The following TOP1 variants were observed in gnomAD, a reference collection of about 807,000 sequenced individuals.
TOP1 encodes DNA topoisomerase 1.
A neutral mutation model predicts 111.1 loss-of-function variants in TOP1; 10 were observed. The ratio of observed to expected loss-of-function variants is 0.09; its 90% CI spans 0.06 to 0.15. TOP1 has a LOEUF of 0.15. Ranked by LOEUF, TOP1 falls within the 10% of genes least tolerant of loss-of-function variation. The probability of loss-of-function intolerance (pLI) is 1.00; values close to 1 mark genes in which losing one functional copy is unlikely to be tolerated. For missense variants in TOP1, 474 were observed against 926.7 expected (o/e 0.51, Z 6.34); for synonymous variants, 271 against 302.9 (o/e 0.89, Z 1.10).
Position 41,079,059 on chromosome 20 carries a change from G to T in TOP1, c.336-1026G>T, listed in dbSNP as rs1438054324. 1.3e-5 allele frequency among the ~76,000 whole-genome samples: 2 copies of T among 152,204 alleles called. No homozygotes were observed. Among genetic ancestry groups the T allele is most frequent in the Non-Finnish European group, 2.9e-5 (2 of 68,028 alleles). ...TATTCAGGCAGGAGGGGGAACAGCT[G>T]TAGAAGCTGGCATTTGGTTAGGGTG... On this transcript the variant is annotated intron_variant, in intron 5 of 20. Coordinates refer to ENST00000361337, the MANE Select transcript of TOP1 (RefSeq NM_003286.4). This position sits in a 1 kb window ranked among gnomAD's most constrained non-coding sequence, Gnocchi z 4.0.
rs1419173142 is a variant in TOP1, at chr20:41,102,107, T to G, written c.1308+754T>G. 6.6e-6 allele frequency among the ~76,000 whole-genome samples: 1 copy of G among 152,206 alleles called. No individual in the cohort carries two copies. Among genetic ancestry groups the G allele is most frequent in the Non-Finnish European group, 1.5e-5 (1 of 68,032 alleles). On this transcript the variant is annotated intron_variant, in intron 13 of 20. Transcript: ENST00000361337. This position sits in a 1 kb window ranked among gnomAD's most constrained non-coding sequence, Gnocchi z 4.0. Reference sequence around the variant, plus strand: ...AGTTCTATGTAGACTGTTAACTGTTTTATGTGCAGGAGACCTGGGACTAAA... The same window carrying G: ...AGTTCTATGTAGACTGTTAACTGTTGTATGTGCAGGAGACCTGGGACTAAA...
intron 8 of TOP1, among the ~76,000 whole-genome samples, chr20:41,090,426 T>G (rs887487316): frequency 2.0e-5 from 3 of 152,258 alleles, no homozygotes; most frequent in Non-Finnish European, 4.4e-5. Context: ...TACAAATATT[T>G]TCTCCTATTC....
In TOP1 at chr20:41,034,787, A is replaced by G. The variant is rs2033164175; in HGVS notation, c.58+5332A>G. ...GCTATCTGTATCGAAGTTTGTATTAACTGTCTTTATGTGTGTCATTTATGT... is the reference window on the plus strand; with the variant it reads ...GCTATCTGTATCGAAGTTTGTATTAGCTGTCTTTATGTGTGTCATTTATGT... On this transcript the variant is annotated intron_variant, in intron 2 of 20. Coordinates refer to ENST00000361337, the MANE Select transcript of TOP1 (RefSeq NM_003286.4). The surrounding 1 kb of genome is among the most constrained non-coding windows in gnomAD (Gnocchi z 4.0). Among the ~76,000 whole-genome samples the G allele has an allele frequency of 1.3e-5, 2 of 152,130 alleles. No homozygotes were observed. Among genetic ancestry groups the G allele is most frequent in the South Asian group, 4.1e-4 (2 of 4,822 alleles).
Position 41,097,554 on chromosome 20 carries a change from A to C in TOP1, c.852+213A>C, listed in dbSNP as rs751756379. On this transcript the variant is annotated intron_variant, in intron 10 of 20. Coordinates refer to ENST00000361337, the MANE Select transcript of TOP1 (RefSeq NM_003286.4). The surrounding 1 kb of genome is among the most constrained non-coding windows in gnomAD (Gnocchi z 4.2). The stretch of plus-strand genomic sequence containing the variant: ...TTGTATATCTTTGCTATTGGCTCTC[A>C]TGTGATGGCAGGTAGGTGGGGGTTA... Among the ~76,000 whole-genome samples, 4 of 152,150 alleles carry C rather than the reference A, an allele frequency of 2.6e-5. No individual in the cohort carries two copies. Among genetic ancestry groups the C allele is most frequent in the Non-Finnish European group, 5.9e-5 (4 of 68,022 alleles).
chr20:41,047,431 CTAGGCGGTAG>C (rs2122604653), intron 2 of TOP1, among the ~76,000 whole-genome samples: 1 of 152,292 alleles, frequency 6.6e-6, no homozygotes, highest in South Asian at 2.1e-4. Context: ...ACCATATAGC[CTAGGCGGTAG>C]TAGGCTATAC....
intron 2 of TOP1, among the ~76,000 whole-genome samples, chr20:41,031,362 A>T (rs577375598): frequency 6.6e-6 from 1 of 152,318 alleles, no homozygotes; most frequent in South Asian, 2.1e-4. Flanking sequence ...GGCTGGGCTG[A>T]GTAGGTAATG....
At chr20:41,043,064 T>C (rs1174022384) in intron 2 of TOP1, among the ~76,000 whole-genome samples, 1 of 152,210 alleles carries the variant, frequency 6.6e-6, no homozygotes, top group Non-Finnish European at 1.5e-5. Context: ...ATTGTTCAGG[T>C]GTCATCTGTG....
chr20:41,081,365 AT>A, intron 7 of TOP1, 125 bp downstream of exon 7: 1 of 1,158,380 alleles, frequency 8.6e-7, no homozygotes, highest in Non-Finnish European at 1.2e-6. Flanking sequence ...GGGAAAACAA[AT>A]TTAATAAGTG....
In TOP1 at chr20:41,112,831, G is replaced by C. The variant is rs1172495373; in HGVS notation, c.1358G>C (p.Cys453Ser). The change falls in exon 14 of 21, where the codon TGT (cysteine) becomes TCT (serine). Residue 453 changes from cysteine to serine, a missense_variant. Around this residue, in one of 14 missense-constraint regions of TOP1, gnomAD observed 14 missense variants for 22.2 expected, o/e 0.63. Coordinates refer to ENST00000361337, the MANE Select transcript of TOP1 (RefSeq NM_003286.4). The surrounding 1 kb of genome is among the most constrained non-coding windows in gnomAD (Gnocchi z 5.8). ...KYETARRLKK[C>S]VDKIRNQYRE... The stretch of plus-strand genomic sequence containing the variant: ...GAGACTGCTCGGCGGCTGAAAAAAT[G>C]TGTGGACAAGATCCGGAACCAGTAT... The C allele has an allele frequency of 6.2e-7, 1 of 1,614,260 alleles. No individual in the cohort carries two copies. The highest frequency in any genetic ancestry group is 8.5e-7 in the Non-Finnish European group (1 of 1,180,056).
intron 7 of TOP1, among the ~76,000 whole-genome samples, 165 bp downstream of exon 7, chr20:41,081,405 C>A (rs2033787055): frequency 6.6e-6 from 1 of 152,158 alleles, no homozygotes; most frequent in African/African-American, 2.4e-5. Flanking sequence ...GTTTTAAGAT[C>A]TCTGTGAATC....
intron 4 of TOP1, 87 bp from the exon 5 acceptor site, chr20:41,077,495 C>G: frequency 1.9e-6 from 2 of 1,068,790 alleles, no homozygotes; most frequent in South Asian, 2.6e-5. Flanking sequence ...CATGATGTCC[C>G]AGGAACTGAT....
At chr20:41,093,109 A>G (rs767786177) in intron 9 of TOP1, among the ~76,000 whole-genome samples, 3 of 152,166 alleles carry the variant, frequency 2.0e-5, no homozygotes, top group Admixed American at 6.5e-5. Flanking sequence ...TATATGTGCA[A>G]TCAAGTCTGA....
In TOP1 at chr20:41,100,701, C is replaced by A. The variant is rs1244705797; in HGVS notation, c.1163+458C>A. 6.3e-6 allele frequency: 1 copy of A among 159,782 alleles called. No homozygotes were observed. The highest frequency in any genetic ancestry group is 2.4e-5 in the African/African-American group (1 of 41,654). 9.9% of individuals were successfully genotyped at this position (159,782 alleles called of 1,614,324 possible). ...CACCATACAGTTTTTTTTATTAAGT[C>A]GATAATTTCCACCTTTTCATTTAAA... On this transcript the variant is annotated intron_variant, in intron 12 of 20. Coordinates refer to ENST00000361337, the MANE Select transcript of TOP1 (RefSeq NM_003286.4). This position sits in a 1 kb window ranked among gnomAD's most constrained non-coding sequence, Gnocchi z 4.4.
Position 41,094,430 on chromosome 20 carries a change from C to T in TOP1, c.730+1843C>T, listed in dbSNP as rs2033958460. On this transcript the variant is annotated intron_variant, in intron 9 of 20. Transcript: ENST00000361337. This position sits in a 1 kb window ranked among gnomAD's most constrained non-coding sequence, Gnocchi z 4.4. ...CTTTAGGATGCTCAGCTGGTAAAGC[C>T]TCACTTTGAGGTTCAAAGTGATGGG... Among the ~76,000 whole-genome samples, 1 of 152,208 alleles carries T rather than the reference C, an allele frequency of 6.6e-6. No individual in the cohort carries two copies. Among genetic ancestry groups the T allele is most frequent in the Non-Finnish European group, 1.5e-5 (1 of 68,034 alleles).
Position 41,100,371 on chromosome 20 carries a change from C to T in TOP1, c.1163+128C>T. The stretch of plus-strand genomic sequence containing the variant: ...GATACTTAAGAGCAGGACAGTATTT[C>T]ATGCGTAGGTCTCCAGATGTTTTTG... On this transcript the variant is annotated intron_variant, in intron 12 of 20. Coordinates refer to ENST00000361337, the MANE Select transcript of TOP1 (RefSeq NM_003286.4). This position sits in a 1 kb window ranked among gnomAD's most constrained non-coding sequence, Gnocchi z 4.4. 1.5e-6 allele frequency: 1 copy of T among 676,596 alleles called. No individual in the cohort carries two copies. The highest frequency in any genetic ancestry group is 2.4e-6 in the Non-Finnish European group (1 of 420,596). The allele number at this position is 676,596 out of a possible 1,614,324, so 41.9% of individuals were successfully genotyped here.
In TOP1 at chr20:41,097,304, A is replaced by C. The variant is rs751102524; in HGVS notation, c.815A>C (p.Glu272Ala). ...CTCGACCATGAATATACTACCAAGG[A>C]AATATTTAGGAAAAATTTCTTTAAA... ...KMLDHEYTTK[E>A]IFRKNFFKDW... Residue 272 changes from glutamate (E) to alanine (A), a missense_variant, in exon 10 of 21, where the codon GAA becomes GCA. Transcript: ENST00000361337. This position sits in a 1 kb window ranked among gnomAD's most constrained non-coding sequence, Gnocchi z 4.2. 6.2e-7 allele frequency: 1 copy of C among 1,613,948 alleles called. No individual in the cohort carries two copies. The highest frequency in any genetic ancestry group is 1.7e-5 in the Admixed American group (1 of 60,004).
intron 8 of TOP1, among the ~76,000 whole-genome samples, chr20:41,089,127 C>A (rs570438566): frequency 2.2e-4 from 33 of 147,910 alleles, no homozygotes; most frequent in Admixed American, 4.8e-4. Context: ...TGGGTTCAAG[C>A]AATTCTCCTG....
chr20:41,060,981 C>T (rs2145926763), intron 2 of TOP1, among the ~76,000 whole-genome samples: 1 of 152,200 alleles, frequency 6.6e-6, no homozygotes, highest in South Asian at 2.1e-4. Flanking sequence ...AGACATTACA[C>T]CTTATTAACA....
chr20:41,119,887 AT>A (rs2145971932), intron 18 of TOP1, among the ~76,000 whole-genome samples: 1 of 152,340 alleles, frequency 6.6e-6, no homozygotes, highest in Admixed American at 6.5e-5. Flanking sequence ...TCATGTTATC[AT>A]TACAAGCCAG....
Sources: gnomAD v4.1 joint callset for allele counts (sites outside exome capture counted in the v4.1 genomes callset) on GRCh38, gnomAD v4.1.1 for gene constraint, gnomAD v4.1.1 regional missense constraint, Gnocchi (gnomAD v3.1) non-coding constraint, MANE v1.5 for transcripts, NCBI Gene and HGNC (gene_info 2026-07-23, HGNC 2026-07-21) for gene names.